LCN9: variants seen among roughly 807,000 people sequenced by gnomAD.
LCN9 encodes epididymal-specific lipocalin-9.
LCN9 carries 22 observed loss-of-function variants against 18.5 expected under a neutral mutation model. The observed-to-expected ratio is 1.19, with a 90% CI of 0.85 to 1.70. The LOEUF (loss-of-function observed/expected upper bound fraction) is 1.70. Ranked by LOEUF, LCN9 falls within the 40% of genes most tolerant of loss-of-function variation. The pLI is 0.00. For missense variants in LCN9, 202 were observed against 201.3 expected, an observed-to-expected ratio of 1.00 and a Z score of -0.02; for synonymous variants, 89 against 83.0, an observed-to-expected ratio of 1.07 and a Z score of -0.39.
rs569334365 is a variant in LCN9, at chr9:135,664,142, C to A, written c.97-20C>A. 1.9e-4 allele frequency: 307 copies of A among 1,612,292 alleles called. 1 individual carries two copies. In the East Asian group the frequency reaches 6.3e-3, roughly 33 times the overall value. On this transcript the variant is annotated intron_variant, in intron 1 of 5. Transcript: ENST00000619315. This position sits in a 1 kb window ranked among gnomAD's most constrained non-coding sequence, Gnocchi z 4.5. ...GGGCTGTCCCGCGGCCCCCCACCCACTGGAGCTCTTTGTCTTCAGGTTTCA... is the reference window on the plus strand; with the variant it reads ...GGGCTGTCCCGCGGCCCCCCACCCAATGGAGCTCTTTGTCTTCAGGTTTCA...
chr9:135,663,936 C>T (rs11103130), intron 1 of LCN9, among the ~76,000 whole-genome samples: 6 of 36,490 alleles, frequency 1.6e-4, no homozygotes, highest in South Asian at 9.2e-4. Flanking sequence ...TGGGGGGCAG[C>T]GGGGGCCCTG....
In LCN9 at chr9:135,665,854, C is replaced by T. The variant is rs1237305684; in HGVS notation, c.*10-7C>T. On this transcript the variant is annotated splice_polypyrimidine_tract_variant and splice_region_variant and intron_variant, in intron 5 of 5. Transcript: ENST00000619315. The surrounding 1 kb of genome is among the most constrained non-coding windows in gnomAD (Gnocchi z 5.9). ...CCCTGCGCTGAGAGCCCCCTCTGTC[C>T]TTCCAGATCCCTGCTACTCCAAGCA... is the stretch of plus-strand genomic sequence containing the variant. 2 of 1,612,670 alleles carry T rather than the reference C, an allele frequency of 1.2e-6. No individual in the cohort carries two copies. Among genetic ancestry groups the T allele is most frequent in the Non-Finnish European group, 1.7e-6 (2 of 1,179,456 alleles).
chr9:135,666,919 C>T (rs1418987585), exon 6 of LCN9, among the ~76,000 whole-genome samples: 5 of 152,038 alleles, frequency 3.3e-5, no homozygotes, highest in African/African-American at 1.2e-4. Context: ...TGCCTGCGCC[C>T]CCGCCTCCAT....
chr9:135,665,570 C>G lies in LCN9; in HGVS notation c.419-118C>G. 2 of 1,016,922 alleles carry G rather than the reference C, an allele frequency of 2.0e-6. No individual in the cohort carries two copies. Among genetic ancestry groups the G allele is most frequent in the Non-Finnish European group, 3.0e-6 (2 of 675,982 alleles). The allele number at this position is 1,016,922 out of a possible 1,614,324, so 63.0% of individuals were successfully genotyped here. The stretch of plus-strand genomic sequence containing the variant: ...GCACAAAGCCCCTCTCTGGTCAGGG[C>G]GTGACCCCCTGCCCAGCCTCAGCAC... On this transcript the variant is annotated intron_variant, in intron 4 of 5. Coordinates refer to ENST00000619315, the Ensembl canonical transcript of LCN9. The surrounding 1 kb of genome is among the most constrained non-coding windows in gnomAD (Gnocchi z 5.9).
At position 135,664,066 on chromosome 9, in the gene LCN9, G is replaced by A; in HGVS notation, c.97-96G>A. On this transcript the variant is annotated intron_variant, in intron 1 of 5. Transcript: ENST00000619315. This position sits in a 1 kb window ranked among gnomAD's most constrained non-coding sequence, Gnocchi z 4.5. The stretch of plus-strand genomic sequence containing the variant: ...GAGGGGTTCTGGTTGGGAGCCAGAT[G>A]CTAAGGGGCCGGGCCCTGGGAGGGA... 1 of 1,386,520 alleles carries A rather than the reference G, an allele frequency of 7.2e-7. No individual in the cohort carries two copies. 85.9% of individuals were successfully genotyped at this position (1,386,520 alleles called of 1,614,324 possible).
At chr9:135,663,804 GACC>G (rs1834160065) in intron 1 of LCN9, among the ~76,000 whole-genome samples, 1 of 34,562 alleles carries the variant, frequency 2.9e-5, no homozygotes, top group African/African-American at 1.1e-4. Context: ...GACAGAGGGG[GACC>G]TGGAGGGGCA....
intron 1 of LCN9, 142 bp downstream of exon 1, chr9:135,663,559 G>A (rs1347547323): frequency 1.5e-6 from 1 of 661,636 alleles, no homozygotes; most frequent in Non-Finnish European, 2.7e-6. Context: ...ACAGCAGCCT[G>A]GGAGAGCAGG....
At position 135,664,239 on chromosome 9, in the gene LCN9, C is replaced by T. The variant is rs1373502821; in HGVS notation, c.174C>T (p.Val58=). The stretch of plus-strand genomic sequence containing the variant: ...TTAAAGAAAATGGAGACCTGAGGGT[C>T]TTCGTCCGGAATATTGAACACTTGA... The change falls in exon 2 of 6, where the codon GTC becomes GTT. Residue 58 remains valine (V), a synonymous_variant. Transcript: ENST00000619315. The surrounding 1 kb of genome is among the most constrained non-coding windows in gnomAD (Gnocchi z 4.5). 1.9e-6 allele frequency: 3 copies of T among 1,613,634 alleles called. No homozygotes were observed. Among genetic ancestry groups the T allele is most frequent in the Non-Finnish European group, 2.5e-6 (3 of 1,179,744 alleles).
rs1440866615 is a variant in LCN9 at position 135,665,097 on chromosome 9, G to A, written c.308-148G>A. 2 of 666,812 alleles carry A rather than the reference G, an allele frequency of 3.0e-6. No individual in the cohort carries two copies. Among genetic ancestry groups the A allele is most frequent in the Admixed American group, 4.3e-5 (2 of 46,208 alleles). The allele number at this position is 666,812 out of a possible 1,614,324, so 41.3% of individuals were successfully genotyped here. On this transcript the variant is annotated intron_variant, in intron 3 of 5. Coordinates refer to ENST00000619315, the Ensembl canonical transcript of LCN9. The surrounding 1 kb of genome is among the most constrained non-coding windows in gnomAD (Gnocchi z 5.9). ...CGCTGCTGCCCGCCCCCTGTGCAGG[G>A]GTCTCCGCTGGGTGAGCACCGTGGG...
chr9:135,666,921 C>T (rs1218066879), exon 6 of LCN9, among the ~76,000 whole-genome samples: 1 of 152,066 alleles, frequency 6.6e-6, no homozygotes, highest in African/African-American at 2.4e-5. Context: ...CCTGCGCCCC[C>T]GCCTCCATGT....
At position 135,664,153 on chromosome 9, in the gene LCN9, T is replaced by C. The variant is rs1306442979; in HGVS notation, c.97-9T>C. Reference sequence around the variant, plus strand: ...CGGCCCCCCACCCACTGGAGCTCTTTGTCTTCAGGTTTCAGGGGTCTGGTA... The same window carrying C: ...CGGCCCCCCACCCACTGGAGCTCTTCGTCTTCAGGTTTCAGGGGTCTGGTA... On this transcript the variant is annotated splice_polypyrimidine_tract_variant and intron_variant, in intron 1 of 5. Transcript: ENST00000619315. This position sits in a 1 kb window ranked among gnomAD's most constrained non-coding sequence, Gnocchi z 4.5. 5 of 1,613,046 alleles carry C rather than the reference T, an allele frequency of 3.1e-6. No homozygotes were observed. The highest frequency in any genetic ancestry group is 4.2e-6 in the Non-Finnish European group (5 of 1,179,452).
At position 135,665,504 on chromosome 9, in the gene LCN9, G is replaced by T; in HGVS notation, c.418+149G>T. On this transcript the variant is annotated intron_variant, in intron 4 of 5. Transcript: ENST00000619315. This position sits in a 1 kb window ranked among gnomAD's most constrained non-coding sequence, Gnocchi z 5.9. ...ATTCCTTCCCACAGACACACCGTTAGGGTGCTGGGTGCTTCAATCTGTCAC... is the reference window on the plus strand; with the variant it reads ...ATTCCTTCCCACAGACACACCGTTATGGTGCTGGGTGCTTCAATCTGTCAC... 1 of 807,926 alleles carries T rather than the reference G, an allele frequency of 1.2e-6. No homozygotes were observed. The highest frequency in any genetic ancestry group is 2.7e-5 in the East Asian group (1 of 37,436). The allele number at this position is 807,926 out of a possible 1,614,324, so 50.0% of individuals were successfully genotyped here.
Position 135,664,058 on chromosome 9 carries a change from A to G in LCN9, c.97-104A>G. 7.9e-7 allele frequency: 1 copy of G among 1,261,648 alleles called. No homozygotes were observed. Among genetic ancestry groups the G allele is most frequent in the Non-Finnish European group, 1.1e-6 (1 of 916,300 alleles). 78.2% of individuals were successfully genotyped at this position (1,261,648 alleles called of 1,614,324 possible). On this transcript the variant is annotated intron_variant, in intron 1 of 5. Coordinates refer to ENST00000619315, the Ensembl canonical transcript of LCN9. The surrounding 1 kb of genome is among the most constrained non-coding windows in gnomAD (Gnocchi z 4.5). ...GAAGGGCGGAGGGGTTCTGGTTGGG[A>G]GCCAGATGCTAAGGGGCCGGGCCCT...
chr9:135,663,358 A>G lies in LCN9; in HGVS notation c.37A>G (p.Ile13Val). ...TCTGCTGAGCCTGGGGCTGAGCCTC[A>G]TCGCAGCCCAGGAGTTCGATCCCCA... is the stretch of plus-strand genomic sequence containing the variant. The change falls in exon 1 of 6, where the codon ATC becomes GTC. Residue 13 changes from isoleucine to valine, a missense_variant. Ile to Val is a conservative substitution (Grantham distance 29). Transcript: ENST00000619315. 4 of 1,613,948 alleles carry G rather than the reference A, an allele frequency of 2.5e-6. No homozygotes were observed. The highest frequency in any genetic ancestry group is 1.7e-4 in the Middle Eastern group (1 of 6,060).
Position 135,665,899 on chromosome 9 carries a change from C to A in LCN9, c.*48C>A. 6.2e-7 allele frequency: 1 copy of A among 1,612,144 alleles called. No individual in the cohort carries two copies. Among genetic ancestry groups the A allele is most frequent in the Non-Finnish European group, 8.5e-7 (1 of 1,179,394 alleles). On this transcript the variant is annotated 3_prime_UTR_variant, in exon 6 of 6. Coordinates refer to ENST00000619315, the Ensembl canonical transcript of LCN9. This position sits in a 1 kb window ranked among gnomAD's most constrained non-coding sequence, Gnocchi z 5.9. ...CAAGCATTACAGGAGCCCGCCCAGG[C>A]CTCCCATGCGTGAGCTGCGACTCGG... is the stretch of plus-strand genomic sequence containing the variant.
exon 6 of LCN9, among the ~76,000 whole-genome samples, chr9:135,666,620 G>A (rs1297832254): frequency 6.6e-6 from 1 of 152,050 alleles, no homozygotes; most frequent in East Asian, 1.9e-4. Context: ...TCCCTTCCCA[G>A]AGCCTGAGCC....
chr9:135,664,677 G>A lies in LCN9; in HGVS notation c.234-45G>A. Reference sequence around the variant, plus strand: ...GGTGCTCTCTGCCATCGCACGTCCAGGGGGCTGGAGCTCCACTCCCGGCAT... The same window carrying A: ...GGTGCTCTCTGCCATCGCACGTCCAAGGGGCTGGAGCTCCACTCCCGGCAT... On this transcript the variant is annotated intron_variant, in intron 2 of 5. Transcript: ENST00000619315. This position sits in a 1 kb window ranked among gnomAD's most constrained non-coding sequence, Gnocchi z 4.5. 1.3e-6 allele frequency: 2 copies of A among 1,515,892 alleles called. No homozygotes were observed. Among genetic ancestry groups the A allele is most frequent in the Non-Finnish European group, 1.8e-6 (2 of 1,126,120 alleles). The allele number at this position is 1,515,892 out of a possible 1,614,324, so 93.9% of individuals were successfully genotyped here. A position where few individuals can be genotyped will look rare whatever the true frequency, so the allele number is the denominator to read the frequency against.
At position 135,664,176 on chromosome 9, in the gene LCN9, G is replaced by A. The variant is rs768943582; in HGVS notation, c.111G>A (p.Trp37Ter). 1.5e-5 allele frequency: 25 copies of A among 1,613,600 alleles called. No homozygotes were observed. The highest frequency in any genetic ancestry group is 3.3e-5 in the Admixed American group (2 of 59,978). The change falls in exon 2 of 6, where the codon TGG becomes TGA. Residue 37 changes from tryptophan (W) to a stop codon, truncating the protein, a stop_gained. Coordinates refer to ENST00000619315, the Ensembl canonical transcript of LCN9. LOFTEE classifies it high-confidence loss of function. The surrounding 1 kb of genome is among the most constrained non-coding windows in gnomAD (Gnocchi z 4.5). ...TTTGTCTTCAGGTTTCAGGGGTCTGGTATTCTATTTTCATGGCCTCAGATG... is the reference window on the plus strand; with the variant it reads ...TTTGTCTTCAGGTTTCAGGGGTCTGATATTCTATTTTCATGGCCTCAGATG...
chr9:135,665,198 C>G lies in LCN9; in HGVS notation c.308-47C>G, dbSNP rs759078890. On this transcript the variant is annotated intron_variant, in intron 3 of 5. Coordinates refer to ENST00000619315, the Ensembl canonical transcript of LCN9. The surrounding 1 kb of genome is among the most constrained non-coding windows in gnomAD (Gnocchi z 5.9). ...GGCCACACAGCACGTGTCACAGGAC[C>G]CTGAGGGTGGCGGGGCCAGGCCACG... 7.6e-7 allele frequency: 1 copy of G among 1,316,850 alleles called. No individual in the cohort carries two copies. 81.6% of individuals were successfully genotyped at this position (1,316,850 alleles called of 1,614,324 possible).
Sources: gnomAD v4.1 joint callset for allele counts (sites outside exome capture counted in the v4.1 genomes callset) on GRCh38, gnomAD v4.1.1 for gene constraint, Gnocchi (gnomAD v3.1) non-coding constraint, MANE v1.5 for transcripts, NCBI Gene and HGNC (gene_info 2026-07-23, HGNC 2026-07-21) for gene names.